The following NXPH1 variants were observed in gnomAD, a reference collection of about 807,000 sequenced individuals.
NXPH1 encodes neurexophilin 1.
A neutral mutation model predicts 23.7 loss-of-function variants in NXPH1; 5 were observed. That is an observed-to-expected ratio of 0.21 (90% CI 0.11 to 0.44). The LOEUF (loss-of-function observed/expected upper bound fraction) is 0.44. NXPH1 is among the 20% of genes least tolerant of loss of function. The probability of loss-of-function intolerance (pLI) is 0.99; values close to 1 mark genes in which losing one functional copy is unlikely to be tolerated. For missense variants in NXPH1, 324 were observed against 321.6 expected, an observed-to-expected ratio of 1.01 and a Z score of -0.06; for synonymous variants, 144 against 122.2, an observed-to-expected ratio of 1.18 and a Z score of -1.18.
At chr7:8,574,896 G>A (rs1818723275) in intron 2 of NXPH1, among the ~76,000 whole-genome samples, 1 of 152,032 alleles carries the variant, frequency 6.6e-6, no homozygotes, top group Non-Finnish European at 1.5e-5. Flanking sequence ...TAAAAAATAG[G>A]GATAAAAATG....
chr7:8,459,089 A>T (rs1816647743), intron 2 of NXPH1, among the ~76,000 whole-genome samples: 1 of 148,930 alleles, frequency 6.7e-6, no homozygotes, highest in Non-Finnish European at 1.5e-5. Flanking sequence ...TTTTTCCTTG[A>T]TTTTTTTTTT....
At chr7:8,737,968 G>T (rs988532834) in intron 2 of NXPH1, among the ~76,000 whole-genome samples, 1 of 152,186 alleles carries the variant, frequency 6.6e-6, no homozygotes, top group South Asian at 2.1e-4. Flanking sequence ...CTCGTGCTGT[G>T]TTTTTCAGCT....
chr7:8,465,314 G>T (rs535248460), intron 2 of NXPH1, among the ~76,000 whole-genome samples: 6 of 152,278 alleles, frequency 3.9e-5, no homozygotes, highest in African/African-American at 1.4e-4. Context: ...TCTATATAAA[G>T]AATTTAGAAT....
At chr7:8,600,351 CT>C (rs1372088365) in intron 2 of NXPH1, among the ~76,000 whole-genome samples, 1 of 152,152 alleles carries the variant, frequency 6.6e-6, no homozygotes, top group East Asian at 1.9e-4. Context: ...CCTACTTATG[CT>C]TTTGCCCATT....
rs543714883 is a variant in NXPH1 at position 8,653,272 on chromosome 7, T to C, written c.55-97736T>C. Among the ~76,000 whole-genome samples, 7 of 152,340 alleles carry C rather than the reference T, an allele frequency of 4.6e-5. No homozygotes were observed. The East Asian group carries it at 9.6e-4, about 21-fold the overall frequency. ...CTAAATAAACACAGTTTAGTATATA[T>C]GAGTTACAGTACAGTTTCATCTAAG... On this transcript the variant is annotated intron_variant, in intron 2 of 2. Coordinates refer to ENST00000405863, the MANE Select transcript of NXPH1 (RefSeq NM_152745.3).
intron 2 of NXPH1, among the ~76,000 whole-genome samples, chr7:8,476,513 C>T (rs1816974146): frequency 6.6e-6 from 1 of 151,522 alleles, no homozygotes; most frequent in African/African-American, 2.4e-5. Context: ...TTTCTTTTCC[C>T]TCATATTCAT....
intron 2 of NXPH1, among the ~76,000 whole-genome samples, chr7:8,466,293 C>A (rs1471290376): frequency 6.6e-6 from 1 of 152,148 alleles, no homozygotes; most frequent in Non-Finnish European, 1.5e-5. Flanking sequence ...ATATTAAATA[C>A]AACGCTAGTC....
intron 2 of NXPH1, among the ~76,000 whole-genome samples, chr7:8,722,980 C>A (rs1448525397): frequency 6.6e-6 from 1 of 152,156 alleles, no homozygotes; most frequent in Non-Finnish European, 1.5e-5. Flanking sequence ...TGTTTATTTA[C>A]ACTTTATCAA....
intron 2 of NXPH1, among the ~76,000 whole-genome samples, chr7:8,494,887 G>C (rs77396325): frequency 0.011 from 1,719 of 152,146 alleles, 27 homozygotes; most frequent in African/African-American, 0.039. Context: ...AGAGACCTGA[G>C]TTCTAATCCC....
intron 2 of NXPH1, among the ~76,000 whole-genome samples, chr7:8,587,281 G>A (rs1458503064): frequency 2.8e-5 from 4 of 142,874 alleles, no homozygotes; most frequent in Admixed American, 2.8e-4. Context: ...TTATTCAAGG[G>A]CAGATTTTTA....
In NXPH1 at chr7:8,736,246, C is replaced by T. The variant is rs149017709; in HGVS notation, c.55-14762C>T. Reference sequence around the variant, plus strand: ...AGGGTGTTGATTTTAGATCTTTCCTCCTTTCTCCTGTGGGCATTTAGTGCT... The same window carrying T: ...AGGGTGTTGATTTTAGATCTTTCCTTCTTTCTCCTGTGGGCATTTAGTGCT... On this transcript the variant is annotated intron_variant, in intron 2 of 2. Coordinates refer to ENST00000405863, the MANE Select transcript of NXPH1 (RefSeq NM_152745.3). 1.6e-3 allele frequency among the ~76,000 whole-genome samples: 237 copies of T among 152,182 alleles called. 8 individuals are homozygous for T. In the East Asian group the frequency reaches 0.043, roughly 27 times the overall value.
chr7:8,512,570 T>TAATTTAAAAACTA (rs1210605830), intron 2 of NXPH1, among the ~76,000 whole-genome samples: 1 of 152,178 alleles, frequency 6.6e-6, no homozygotes, highest in Non-Finnish European at 1.5e-5. Flanking sequence ...TGAATCATAG[T>TAATTTAAAAACTA]GCCCAGTCTA....
chr7:8,613,103 A>C (rs1044406216), intron 2 of NXPH1, among the ~76,000 whole-genome samples: 16 of 151,962 alleles, frequency 1.1e-4, no homozygotes, highest in African/African-American at 3.9e-4. Flanking sequence ...ACCATGTTTG[A>C]GTTTTCATGC....
intron 2 of NXPH1, among the ~76,000 whole-genome samples, chr7:8,588,144 TTGG>T (rs1416045852): frequency 6.6e-6 from 1 of 152,228 alleles, no homozygotes; most frequent in African/African-American, 2.4e-5. Flanking sequence ...TTTTACACTG[TTGG>T]TGGGAGTGTA....
At chr7:8,732,088 G>A (rs973090229) in intron 2 of NXPH1, among the ~76,000 whole-genome samples, 4 of 152,242 alleles carry the variant, frequency 2.6e-5, no homozygotes, top group Non-Finnish European at 5.9e-5. Flanking sequence ...TATTCGGGTG[G>A]GAGTGACCCA....
rs367713733 is a variant in NXPH1 at position 8,594,446 on chromosome 7, A to T, written c.55-156562A>T. ...ACCCTGTTTAGAAGTCTGGAAACAG[A>T]GAAAGCATATTTTTTTAACTACAGT... is the stretch of plus-strand genomic sequence containing the variant. On this transcript the variant is annotated intron_variant, in intron 2 of 2. Transcript: ENST00000405863. Among the ~76,000 whole-genome samples the T allele has an allele frequency of 3.9e-5, 6 of 152,214 alleles. No individual in the cohort carries two copies. In the East Asian group the frequency reaches 7.7e-4, roughly 20 times the overall value.
intron 2 of NXPH1, among the ~76,000 whole-genome samples, chr7:8,569,285 T>A (rs1818604141): frequency 6.6e-6 from 1 of 151,900 alleles, no homozygotes; most frequent in African/African-American, 2.4e-5. Context: ...GGAGCCATTG[T>A]ACTTTAAAAG....
chr7:8,639,404 A>G (rs1820270952), intron 2 of NXPH1, among the ~76,000 whole-genome samples: 1 of 152,164 alleles, frequency 6.6e-6, no homozygotes, highest in Non-Finnish European at 1.5e-5. Flanking sequence ...CTTTAGATAG[A>G]TACAGCCACA....
intron 2 of NXPH1, among the ~76,000 whole-genome samples, chr7:8,491,912 A>G (rs1446127406): frequency 6.6e-6 from 1 of 152,058 alleles, no homozygotes; most frequent in Non-Finnish European, 1.5e-5. Context: ...TTATGATCAA[A>G]ATCAATGAGG....
Sources: gnomAD v4.1 joint callset for allele counts (sites outside exome capture counted in the v4.1 genomes callset) on GRCh38, gnomAD v4.1.1 for gene constraint, MANE v1.5 for transcripts, NCBI Gene and HGNC (gene_info 2026-07-23, HGNC 2026-07-21) for gene names.